The following AGAP1 variants were observed in gnomAD, a reference collection of about 807,000 sequenced individuals.
The protein encoded by AGAP1 is arf-GAP with GTPase, ANK repeat and PH domain-containing protein 1.
In AGAP1, 29 loss-of-function variants were observed where a neutral mutation model predicts 105.3. That is an observed-to-expected ratio of 0.28 (90% CI 0.21 to 0.38). The LOEUF is 0.38. Among genes scored for constraint, AGAP1 ranks in the 10% least tolerant of loss-of-function variants. The pLI is 1.00. For missense variants in AGAP1, 998 were observed against 1,165.1 expected (o/e 0.86, Z 2.09); for synonymous variants, 509 against 485.9 (o/e 1.05, Z -0.63).
intron 1 of AGAP1, among the ~76,000 whole-genome samples, chr2:235,532,381 TA>T (rs1482308119): frequency 6.6e-6 from 1 of 152,210 alleles, no homozygotes; most frequent in East Asian, 1.9e-4. Flanking sequence ...CACACCTAGC[TA>T]ATTTTTGTAT....
intron 12 of AGAP1, among the ~76,000 whole-genome samples, chr2:235,935,314 C>T (rs2052935381): frequency 6.6e-6 from 1 of 152,188 alleles, no homozygotes; most frequent in African/African-American, 2.4e-5. Flanking sequence ...CTGAGTACCA[C>T]ATGCTGCTGA....
intron 1 of AGAP1, among the ~76,000 whole-genome samples, chr2:235,573,023 T>TC (rs1559258647): frequency 1.5e-4 from 3 of 20,572 alleles, no homozygotes; most frequent in East Asian, 4.0e-3. Flanking sequence ...TTCTTCTTCT[T>TC]CTTCTTCTTC....
Position 235,951,862 on chromosome 2 carries a change from C to A in AGAP1, c.1484-16600C>A, listed in dbSNP as rs1400722372. On this transcript the variant is annotated intron_variant, in intron 12 of 17. Transcript: ENST00000304032. This position sits in a 1 kb window ranked among gnomAD's most constrained non-coding sequence, Gnocchi z 4.2. ...CATAAATGCAGGAAACTGTCAGGTT[C>A]CTTTCAAGAGGAAGTCTTAGCTACA... is the stretch of plus-strand genomic sequence containing the variant. 6.6e-6 allele frequency among the ~76,000 whole-genome samples: 1 copy of A among 152,114 alleles called. No individual in the cohort carries two copies. The highest frequency in any genetic ancestry group is 1.5e-5 in the Non-Finnish European group (1 of 68,026).
rs2058233048 is a variant in AGAP1, at chr2:236,062,627, C to A, written c.2114+13346C>A. Among the ~76,000 whole-genome samples, 1 of 151,972 alleles carries A rather than the reference C, an allele frequency of 6.6e-6. No individual in the cohort carries two copies. Among genetic ancestry groups the A allele is most frequent in the Admixed American group, 6.6e-5 (1 of 15,228 alleles). ...AGTAGCTGGGACTACAGCCACATGC[C>A]TCCACACTCAGCTATTTTGTTTGTT... On this transcript the variant is annotated intron_variant, in intron 16 of 17. Coordinates refer to ENST00000304032, the MANE Select transcript of AGAP1 (RefSeq NM_001037131.3). The surrounding 1 kb of genome is among the most constrained non-coding windows in gnomAD (Gnocchi z 4.2).
chr2:236,066,800 C>G (rs908006889), intron 16 of AGAP1, among the ~76,000 whole-genome samples: 6 of 152,310 alleles, frequency 3.9e-5, no homozygotes, highest in East Asian at 1.9e-4. Context: ...CCTGTCCCCC[C>G]TCCTGTTTAT....
At chr2:235,861,945 T>C (rs753454918) in intron 9 of AGAP1, among the ~76,000 whole-genome samples, 3 of 152,220 alleles carry the variant, frequency 2.0e-5, no homozygotes, top group Non-Finnish European at 2.9e-5. Flanking sequence ...AAGAGAACCA[T>C]TGGGGACCCT....
intron 13 of AGAP1, among the ~76,000 whole-genome samples, chr2:236,032,727 T>C (rs1205562638): frequency 6.6e-6 from 1 of 151,494 alleles, no homozygotes; most frequent in African/African-American, 2.4e-5. Context: ...GTGCAGGAGG[T>C]CTGTAGAAGG....
Position 235,744,571 on chromosome 2 carries a change from C to G in AGAP1, c.397-127C>G. The G allele has an allele frequency of 3.4e-6, 4 of 1,165,124 alleles. No homozygotes were observed. The highest frequency in any genetic ancestry group is 5.0e-6 in the Non-Finnish European group (4 of 800,540). 72.2% of individuals were successfully genotyped at this position (1,165,124 alleles called of 1,614,324 possible). A position where few individuals can be genotyped will look rare whatever the true frequency, so the allele number is the denominator to read the frequency against. On this transcript the variant is annotated intron_variant, in intron 4 of 17. Transcript: ENST00000304032. This position sits in a 1 kb window ranked among gnomAD's most constrained non-coding sequence, Gnocchi z 5.2. ...GTGTGTAAAAGTGACAGTCAAAAGTCAAGCACCCAGTGTGTGACCGAGGGG... is the reference window on the plus strand; with the variant it reads ...GTGTGTAAAAGTGACAGTCAAAAGTGAAGCACCCAGTGTGTGACCGAGGGG...
At chr2:235,511,422 C>T (rs1028289427) in intron 1 of AGAP1, among the ~76,000 whole-genome samples, 1 of 152,070 alleles carries the variant, frequency 6.6e-6, no homozygotes, top group Non-Finnish European at 1.5e-5. Context: ...GCAGGGGGCT[C>T]AGCCAGCTCC....
chr2:235,911,557 T>C (rs1174251458), intron 11 of AGAP1, among the ~76,000 whole-genome samples: 2 of 152,222 alleles, frequency 1.3e-5, no homozygotes, highest in African/African-American at 4.8e-5. Flanking sequence ...GCCACTGTTG[T>C]CCTAAGGGAA....
Position 235,614,291 on chromosome 2 carries a change from G to A in AGAP1, c.164-94888G>A, listed in dbSNP as rs1946236657. On this transcript the variant is annotated intron_variant, in intron 1 of 17. Coordinates refer to ENST00000304032, the MANE Select transcript of AGAP1 (RefSeq NM_001037131.3). This position sits in a 1 kb window ranked among gnomAD's most constrained non-coding sequence, Gnocchi z 4.7. ...TAAAGCGGGGAGGTGGCTGGTGCTG[G>A]AGCGTGTATAACAAAAGTGGGATCC... is the stretch of plus-strand genomic sequence containing the variant. 6.6e-6 allele frequency among the ~76,000 whole-genome samples: 1 copy of A among 152,066 alleles called. No individual in the cohort carries two copies. The highest frequency in any genetic ancestry group is 1.5e-5 in the Non-Finnish European group (1 of 68,024).
chr2:235,815,470 C>T (rs904617227), intron 9 of AGAP1, among the ~76,000 whole-genome samples: 1 of 152,162 alleles, frequency 6.6e-6, no homozygotes, highest in Non-Finnish European at 1.5e-5. Context: ...AGTCCCACTG[C>T]GGGTGAGGGC....
chr2:236,026,127 G>A (rs2057045620), intron 13 of AGAP1, among the ~76,000 whole-genome samples: 1 of 152,248 alleles, frequency 6.6e-6, no homozygotes, highest in African/African-American at 2.4e-5. Flanking sequence ...ACCTGCACCT[G>A]CACCTGTGGG....
At position 235,830,146 on chromosome 2, in the gene AGAP1, G is replaced by A. The variant is rs1160387822; in HGVS notation, c.1050+22815G>A. Among the ~76,000 whole-genome samples the A allele has an allele frequency of 6.6e-6, 1 of 152,164 alleles. No homozygotes were observed. The highest frequency in any genetic ancestry group is 2.4e-5 in the African/African-American group (1 of 41,444). The stretch of plus-strand genomic sequence containing the variant: ...CTAAGGCAGTACTTGCCAAGGCAAG[G>A]CCACCGTGATCCGAGACTGGGAGGC... On this transcript the variant is annotated intron_variant, in intron 9 of 17. Coordinates refer to ENST00000304032, the MANE Select transcript of AGAP1 (RefSeq NM_001037131.3). The surrounding 1 kb of genome is among the most constrained non-coding windows in gnomAD (Gnocchi z 5.5).
intron 1 of AGAP1, among the ~76,000 whole-genome samples, chr2:235,573,144 C>T (rs1460792750): frequency 1.5e-5 from 2 of 136,340 alleles, no homozygotes; most frequent in Non-Finnish European, 3.0e-5. Context: ...ACTCTGTTAC[C>T]CAGGCTGCAT....
At chr2:235,834,007 ATGT>A (rs1959803232) in intron 9 of AGAP1, among the ~76,000 whole-genome samples, 1 of 149,984 alleles carries the variant, frequency 6.7e-6, no homozygotes, top group Non-Finnish European at 1.5e-5. Flanking sequence ...CAGTATTGAC[ATGT>A]TAACTGTCAT....
chr2:236,002,981 C>T lies in AGAP1; in HGVS notation c.1646-33580C>T, dbSNP rs1039659115. ...CCAGCTCTTCTTTTGTTTTGCTCAC[C>T]GAGAAAAAGAAGACTCGGGAACCAC... On this transcript the variant is annotated intron_variant, in intron 13 of 17. Coordinates refer to ENST00000304032, the MANE Select transcript of AGAP1 (RefSeq NM_001037131.3). This position sits in a 1 kb window ranked among gnomAD's most constrained non-coding sequence, Gnocchi z 4.3. Among the ~76,000 whole-genome samples, 2 of 151,904 alleles carry T rather than the reference C, an allele frequency of 1.3e-5. No individual in the cohort carries two copies. Among genetic ancestry groups the T allele is most frequent in the Admixed American group, 6.6e-5 (1 of 15,264 alleles).
intron 1 of AGAP1, among the ~76,000 whole-genome samples, chr2:235,548,714 A>G (rs773087643): frequency 6.6e-6 from 1 of 151,964 alleles, no homozygotes; most frequent in Non-Finnish European, 1.5e-5. Context: ...CTGGAATTCA[A>G]AAACCCCAAA....
At position 235,740,332 on chromosome 2, in the gene AGAP1, C is replaced by A. The variant is rs1409159269; in HGVS notation, c.311-631C>A. 6.6e-6 allele frequency among the ~76,000 whole-genome samples: 1 copy of A among 151,936 alleles called. No homozygotes were observed. Among genetic ancestry groups the A allele is most frequent in the East Asian group, 1.9e-4 (1 of 5,152 alleles). ...GGGTCCCGGTGGTCTCCCGCTAACC[C>A]CGCGTGGTCTCTAACGCCTCCTGTC... On this transcript the variant is annotated intron_variant, in intron 3 of 17. Transcript: ENST00000304032. The surrounding 1 kb of genome is among the most constrained non-coding windows in gnomAD (Gnocchi z 5.7).
Sources: gnomAD v4.1 joint callset for allele counts (sites outside exome capture counted in the v4.1 genomes callset) on GRCh38, gnomAD v4.1.1 for gene constraint, Gnocchi (gnomAD v3.1) non-coding constraint, MANE v1.5 for transcripts, NCBI Gene and HGNC (gene_info 2026-07-23, HGNC 2026-07-21) for gene names.